DELE1: variants seen among roughly 807,000 people sequenced by gnomAD.
DELE1 encodes the protein death ligand signal enhancer.
DELE1 carries 54 observed loss-of-function variants against 59.3 expected under a neutral mutation model. That is an observed-to-expected ratio of 0.91 (90% CI 0.73 to 1.14). The LOEUF (loss-of-function observed/expected upper bound fraction) is 1.14. Ranked by LOEUF, DELE1 falls within the 50% of genes most tolerant of loss-of-function variation. The pLI is 0.00. For synonymous variants in DELE1, 264 were observed against 259.1 expected (o/e 1.02, Z -0.18); for missense variants, 636 against 643.9 (o/e 0.99, Z 0.13).
At chr5:141,927,138 A>C (rs1309130946) in intron 3 of DELE1, among the ~76,000 whole-genome samples, 1 of 152,228 alleles carries the variant, frequency 6.6e-6, no homozygotes, top group Admixed American at 6.5e-5. Flanking sequence ...TTCTAAACAC[A>C]AGATATAAAC....
At chr5:141,927,348 C>T (rs748584501) in intron 3 of DELE1, among the ~76,000 whole-genome samples, 1 of 152,102 alleles carries the variant, frequency 6.6e-6, no homozygotes, top group Non-Finnish European at 1.5e-5. Context: ...TACAGGTGTG[C>T]CCCACCACGC....
chr5:141,924,840 C>T, intron 2 of DELE1, 145 bp downstream of exon 2: 1 of 600,118 alleles, frequency 1.7e-6, no homozygotes. Context: ...ACTGCAACCT[C>T]CGCCTCCCAG....
At chr5:141,934,610 A>G in intron 10 of DELE1, 24 bp downstream of exon 10, 2 of 1,602,430 alleles carry the variant, frequency 1.2e-6, no homozygotes, top group Non-Finnish European at 1.7e-6. Flanking sequence ...GTGGACAAGC[A>G]TGTTGGGGAT....
intron 7 of DELE1, 95 bp from the exon 8 acceptor site, chr5:141,933,164 G>A: frequency 1.7e-5 from 13 of 745,112 alleles, no homozygotes; most frequent in Non-Finnish European, 2.5e-5. Context: ...AAAAAGAAAG[G>A]GAGGAGGATC....
chr5:141,927,633 G>A (rs1168684171), intron 3 of DELE1, among the ~76,000 whole-genome samples: 7 of 152,198 alleles, frequency 4.6e-5, no homozygotes, highest in African/African-American at 1.4e-4. Context: ...ACCTGGAGAT[G>A]TGTGTGTGCT....
chr5:141,929,157 G>A (rs778205987), intron 4 of DELE1, among the ~76,000 whole-genome samples: 6 of 152,202 alleles, frequency 3.9e-5, no homozygotes, highest in Non-Finnish European at 7.3e-5. Context: ...AAGTGTCACA[G>A]GAGTTTCAAA....
chr5:141,936,895 C>A, intron 10 of DELE1: 3 of 985,368 alleles, frequency 3.0e-6, no homozygotes, highest in Middle Eastern at 5.2e-4. Context: ...TATAACTGGC[C>A]TGAGTGTTTC....
chr5:141,938,647 G>T lies in DELE1; in HGVS notation c.1436G>T (p.Gly479Val). Residue 479 changes from glycine (G) to valine (V), a missense_variant, in exon 12 of 12, where the codon GGC (glycine) becomes GTC (valine). Transcript: ENST00000432126. ...CATGCCTCGAGCACAGGCAACCTTG[G>T]CCTCCTCTGCAGAAGTGGGCATCTC... The part of the protein sequence containing the change: ...LPHASSTGNL[G>V]LLCRSGHLGA... 1 of 1,614,010 alleles carries T rather than the reference G, an allele frequency of 6.2e-7. No individual in the cohort carries two copies. Among genetic ancestry groups the T allele is most frequent in the Non-Finnish European group, 8.5e-7 (1 of 1,180,018 alleles).
rs1450494685 is a variant in DELE1, at chr5:141,941,141, T to C, written c.*2382T>C. On this transcript the variant is annotated 3_prime_UTR_variant, in exon 12 of 12. Transcript: ENST00000432126. ...CCACTCCCCAGCCTCCTCCCCTCTG[T>C]GGTCATTTTGGATTTTCTGACTACT... 5 of 985,292 alleles carry C rather than the reference T, an allele frequency of 5.1e-6. No individual in the cohort carries two copies. The highest frequency in any genetic ancestry group is 4.8e-6 in the Non-Finnish European group (4 of 829,960). 61.0% of individuals were successfully genotyped at this position (985,292 alleles called of 1,614,324 possible).
At chr5:141,937,628 T>C (rs546002398) in intron 11 of DELE1, among the ~76,000 whole-genome samples, 10 of 150,972 alleles carry the variant, frequency 6.6e-5, no homozygotes, top group African/African-American at 2.4e-4. Context: ...AAAAAATTAG[T>C]TGGGCGTGGT....
In DELE1 at chr5:141,923,888, C is replaced by T. The variant is rs956973426; in HGVS notation, c.-54C>T. On this transcript the variant is annotated 5_prime_UTR_variant, in exon 1 of 12. Transcript: ENST00000432126. ...GCGGCGGCCTTTCTAGCCGCTGTCC[C>T]AAGGGTTGGTCTCGCGCTTTCGGCT... 1 of 1,570,268 alleles carries T rather than the reference C, an allele frequency of 6.4e-7. No homozygotes were observed.
chr5:141,936,778 C>T, intron 10 of DELE1: 4 of 710,530 alleles, frequency 5.6e-6, no homozygotes, highest in Non-Finnish European at 6.9e-6. Context: ...TCTGTCAGCC[C>T]TCCCAGGCAG....
intron 8 of DELE1, chr5:141,933,889 A>C (rs886869910): frequency 6.7e-5 from 12 of 178,812 alleles, no homozygotes; most frequent in Non-Finnish European, 1.1e-4. Flanking sequence ...AGTAGTATAG[A>C]GTGATCTAAG....
chr5:141,940,829 T>C lies in DELE1; in HGVS notation c.*2070T>C. On this transcript the variant is annotated 3_prime_UTR_variant, in exon 12 of 12. Coordinates refer to ENST00000432126, the MANE Select transcript of DELE1 (RefSeq NM_014773.5). ...GAAACCTGAGGTTTCAAGCTCAGGG[T>C]TTTAAGCTGTGCAGTGCACTAAGCT... 1.0e-6 allele frequency: 1 copy of C among 985,302 alleles called. No individual in the cohort carries two copies. Among genetic ancestry groups the C allele is most frequent in the Non-Finnish European group, 1.2e-6 (1 of 829,910 alleles). 61.0% of individuals were successfully genotyped at this position (985,302 alleles called of 1,614,324 possible). A position where few individuals can be genotyped will look rare whatever the true frequency, so the allele number is the denominator to read the frequency against.
rs560624261 is a variant in DELE1, at chr5:141,925,487, C to T, written c.224C>T (p.Ser75Phe). Residue 75 changes from serine (S) to phenylalanine (F), a missense_variant, in exon 3 of 12, where the codon TCC (serine) becomes TTC (phenylalanine). Physicochemically the swap from Ser to Phe is radical, Grantham distance 155. Transcript: ENST00000432126. ...GWKDAFQWMS[S>F]RVSPNTLWDA... The stretch of plus-strand genomic sequence containing the variant: ...AAGGATGCCTTCCAATGGATGTCTT[C>T]CCGTGTCTCCCCGAACACCCTATGG... 1.3e-5 allele frequency: 21 copies of T among 1,603,976 alleles called. No homozygotes were observed. In the East Asian group the frequency reaches 3.4e-4, roughly 26 times the overall value.
At chr5:141,932,514 T>C (rs6865379) in intron 7 of DELE1, among the ~76,000 whole-genome samples, 11,799 of 152,234 alleles carry the variant, frequency 0.078, 1,524 homozygotes, top group African/African-American at 0.27. Context: ...CAGGGAAGCT[T>C]CAGAGACCTA....
At position 141,940,086 on chromosome 5, in the gene DELE1, TC is replaced by T; in HGVS notation, c.*1331del. Reference sequence around the variant, plus strand: ...AAGCTGGAGAGTATAGATTTTGAGGTCCCCATTTGGGAAACATGTGCCAGAA... The same window carrying T: ...AAGCTGGAGAGTATAGATTTTGAGGTCCCATTTGGGAAACATGTGCCAGAA... On this transcript the variant is annotated 3_prime_UTR_variant, in exon 12 of 12. Coordinates refer to ENST00000432126, the MANE Select transcript of DELE1 (RefSeq NM_014773.5). The T allele has an allele frequency of 1.0e-6, 1 of 985,032 alleles. No homozygotes were observed. Among genetic ancestry groups the T allele is most frequent in the Non-Finnish European group, 1.2e-6 (1 of 829,806 alleles). 61.0% of individuals were successfully genotyped at this position (985,032 alleles called of 1,614,324 possible).
In DELE1 at chr5:141,940,442, C is replaced by T; in HGVS notation, c.*1683C>T. The T allele has an allele frequency of 2.4e-5, 24 of 982,146 alleles. No individual in the cohort carries two copies. The highest frequency in any genetic ancestry group is 2.9e-5 in the Non-Finnish European group (24 of 827,370). The allele number at this position is 982,146 out of a possible 1,614,324, so 60.8% of individuals were successfully genotyped here. ...GGAGGGATAGAGAGCCCACCGCCCA[C>T]CCCCCACAATCCCATGACTGAGTGG... On this transcript the variant is annotated 3_prime_UTR_variant, in exon 12 of 12. Coordinates refer to ENST00000432126, the MANE Select transcript of DELE1 (RefSeq NM_014773.5).
chr5:141,927,554 C>T (rs1751522154), intron 3 of DELE1, among the ~76,000 whole-genome samples: 1 of 152,164 alleles, frequency 6.6e-6, no homozygotes, highest in Non-Finnish European at 1.5e-5. Context: ...ACCAAGGAGT[C>T]TCTGGGATAA....
Sources: gnomAD v4.1 joint callset for allele counts (sites outside exome capture counted in the v4.1 genomes callset) on GRCh38, gnomAD v4.1.1 for gene constraint, MANE v1.5 for transcripts, NCBI Gene and HGNC (gene_info 2026-07-23, HGNC 2026-07-21) for gene names.